The following NEK11 variants were observed in gnomAD, a reference collection of about 807,000 sequenced individuals.
The protein encoded by NEK11 is NIMA related kinase 11, also known as serine/threonine-protein kinase Nek11.
In NEK11, 72 loss-of-function variants were observed where a neutral mutation model predicts 80.7. That is an observed-to-expected ratio of 0.89 (90% CI 0.74 to 1.08). The LOEUF is 1.08. NEK11 is among the 50% of genes least tolerant of loss of function. The pLI is 0.00. For synonymous variants in NEK11, 251 were observed against 260.7 expected, an observed-to-expected ratio of 0.96 and a Z score of 0.36; for missense variants, 764 against 763.6, an observed-to-expected ratio of 1.00 and a Z score of -0.01.
intron 4 of NEK11, 137 bp from the exon 5 acceptor site, chr3:131,109,666 A>C: frequency 1.1e-6 from 1 of 887,582 alleles, no homozygotes; most frequent in East Asian, 2.8e-5. Context: ...TTGATTAAAG[A>C]GAGAATCTTT....
intron 3 of NEK11, among the ~76,000 whole-genome samples, chr3:131,063,799 C>T (rs1040959445): frequency 3.9e-5 from 6 of 152,052 alleles, no homozygotes; most frequent in Non-Finnish European, 7.4e-5. Flanking sequence ...TAAAATTACC[C>T]GTATGACCTA....
At chr3:131,304,773 G>A (rs1316939761) in intron 17 of NEK11, among the ~76,000 whole-genome samples, 1 of 152,136 alleles carries the variant, frequency 6.6e-6, no homozygotes, top group African/African-American at 2.4e-5. Context: ...CGGTCTGCTA[G>A]CCACAACATG....
At chr3:131,118,435 C>CT (rs1432777339) in intron 5 of NEK11, among the ~76,000 whole-genome samples, 1 of 150,966 alleles carries the variant, frequency 6.6e-6, no homozygotes, top group East Asian at 1.9e-4. Flanking sequence ...CTAAAATTCT[C>CT]TTTTTTTGTT....
intron 3 of NEK11, among the ~76,000 whole-genome samples, chr3:131,041,506 C>CTGTG (rs139789153): frequency 2.0e-5 from 3 of 151,208 alleles, no homozygotes; most frequent in African/African-American, 7.3e-5. Flanking sequence ...CATAAAAACT[C>CTGTG]TGTGTGTGTG....
At chr3:131,045,945 C>G (rs939078426) in intron 3 of NEK11, among the ~76,000 whole-genome samples, 1 of 151,866 alleles carries the variant, frequency 6.6e-6, no homozygotes, top group Non-Finnish European at 1.5e-5. Flanking sequence ...CTTTTGGTGC[C>G]CATTTGCATG....
At chr3:131,269,582 A>G (rs1355454901) in intron 16 of NEK11, among the ~76,000 whole-genome samples, 1 of 152,198 alleles carries the variant, frequency 6.6e-6, no homozygotes. Context: ...AGTCCCAATG[A>G]GATGAGCTTG....
At chr3:131,220,286 G>A (rs2094975837) in intron 14 of NEK11, among the ~76,000 whole-genome samples, 2 of 152,206 alleles carry the variant, frequency 1.3e-5, no homozygotes, top group South Asian at 2.1e-4. Context: ...TTTTGGGGAC[G>A]TTGTAGCATA....
chr3:131,150,405 T>TAC (rs1331229341), intron 7 of NEK11, among the ~76,000 whole-genome samples: 2 of 151,926 alleles, frequency 1.3e-5, no homozygotes, highest in African/African-American at 4.8e-5. Flanking sequence ...TCTTGCTTCA[T>TAC]ACACACACAC....
rs553719228 is a variant in NEK11, at chr3:131,055,611, T to C, written c.171-24812T>C. On this transcript the variant is annotated intron_variant, in intron 3 of 17. Transcript: ENST00000383366. ...AGGATGTGGTGGCATATGCCTGTAG[T>C]CCTAGCTACTGGGGAGGCTGAGGTG... 4.6e-5 allele frequency among the ~76,000 whole-genome samples: 7 copies of C among 152,184 alleles called. No individual in the cohort carries two copies. In the South Asian group the frequency reaches 1.5e-3, roughly 32 times the overall value.
chr3:131,235,301 C>T (rs1457819755), intron 15 of NEK11, among the ~76,000 whole-genome samples: 6 of 152,214 alleles, frequency 3.9e-5, no homozygotes, highest in African/African-American at 7.2e-5. Context: ...CACTACCCTA[C>T]ATTAATCCCT....
At chr3:131,052,135 T>G (rs1349151014) in intron 3 of NEK11, among the ~76,000 whole-genome samples, 10 of 3,008 alleles carry the variant, frequency 3.3e-3, no homozygotes, top group Non-Finnish European at 0.015. Flanking sequence ...GTTTTTTTTG[T>G]TTTTTTTTTT....
At chr3:131,126,959 C>CTTTTTTTTTTT (rs71133688) in intron 5 of NEK11, among the ~76,000 whole-genome samples, 11 of 90,098 alleles carry the variant, frequency 1.2e-4, no homozygotes, top group African/African-American at 3.7e-4. Flanking sequence ...TTCTTTCTTT[C>CTTTTTTTTTTT]TTTTTTTTTT....
chr3:131,090,143 G>A (rs906958345), intron 4 of NEK11, among the ~76,000 whole-genome samples: 15 of 152,160 alleles, frequency 9.9e-5, no homozygotes, highest in African/African-American at 3.6e-4. Flanking sequence ...ATCCTTTTAG[G>A]ATTTAAAATT....
At chr3:131,148,323 C>A (rs961505052) in intron 7 of NEK11, among the ~76,000 whole-genome samples, 1 of 151,780 alleles carries the variant, frequency 6.6e-6, no homozygotes, top group African/African-American at 2.4e-5. Context: ...AACATTTGCT[C>A]GTAATTTTCC....
chr3:131,336,814 AG>A lies in NEK11; in HGVS notation c.1719-12742del, dbSNP rs201977650. On this transcript the variant is annotated intron_variant, in intron 17 of 17. Transcript: ENST00000383366. ...CAAAAAGTGGGTGAAGGACATGAAC[AG>A]ACACTTCTCAAAAGAAGACATTTAT... Among the ~76,000 whole-genome samples, 764 of 152,376 alleles carry A rather than the reference AG, an allele frequency of 5.0e-3. 10 individuals carry two copies. Among genetic ancestry groups the A allele is most frequent in the African/African-American group, 0.017 (711 of 41,578 alleles).
At chr3:131,258,014 C>T (rs2095847172) in intron 16 of NEK11, among the ~76,000 whole-genome samples, 1 of 152,050 alleles carries the variant, frequency 6.6e-6, no homozygotes, top group African/African-American at 2.4e-5. Context: ...ATGGCATGCA[C>T]AGCAACCTGG....
intron 17 of NEK11, among the ~76,000 whole-genome samples, chr3:131,338,319 C>T (rs1310665839): frequency 2.9e-5 from 4 of 138,156 alleles, no homozygotes; most frequent in Non-Finnish European, 6.1e-5. Flanking sequence ...GGATATGGAG[C>T]AACTAAGACT....
At position 131,132,795 on chromosome 3, in the gene NEK11, A is replaced by G. The variant is rs765443457; in HGVS notation, c.506A>G (p.Asn169Ser). The G allele has an allele frequency of 7.3e-6, 11 of 1,500,246 alleles. No individual in the cohort carries two copies. The highest frequency in any genetic ancestry group is 2.0e-5 in the Admixed American group (1 of 50,628). 92.9% of individuals were successfully genotyped at this position (1,500,246 alleles called of 1,614,324 possible). Residue 169 changes from asparagine to serine, a missense_variant, in exon 6 of 18, where the codon AAT (asparagine) becomes AGT (serine). Coordinates refer to ENST00000383366, the MANE Select transcript of NEK11 (RefSeq NM_024800.5). ...LKSKNVFLKN[N>S]LLKIGDFGVS... ...TCAAAGAATGTATTTCTGAAAAATA[A>G]TCTCCTTAAAATTGGTAAGATTTTA...
intron 16 of NEK11, among the ~76,000 whole-genome samples, chr3:131,255,122 AAGAAAG>A (rs1176199821): frequency 1.0e-3 from 148 of 144,664 alleles, no homozygotes; most frequent in African/African-American, 3.3e-3. Context: ...GAAAGAAAGA[AAGAAAG>A]AGAGAAAGAA....
Sources: gnomAD v4.1 joint callset for allele counts (sites outside exome capture counted in the v4.1 genomes callset) on GRCh38, gnomAD v4.1.1 for gene constraint, MANE v1.5 for transcripts, NCBI Gene and HGNC (gene_info 2026-07-23, HGNC 2026-07-21) for gene names.